SCAPER: variants seen among roughly 807,000 people sequenced by gnomAD.
SCAPER encodes the protein S-phase cyclin A associated protein in the ER.
SCAPER carries 98 observed loss-of-function variants against 182.2 expected under a neutral mutation model. That is an observed-to-expected ratio of 0.54 (90% CI 0.46 to 0.64). The LOEUF is 0.64. SCAPER is among the 30% of genes least tolerant of loss of function. The pLI is 0.00. For synonymous variants in SCAPER, 605 were observed against 564.6 expected (o/e 1.07, Z -1.01); for missense variants, 1,432 against 1,690.0 (o/e 0.85, Z 2.68).
At chr15:76,582,497 T>C (rs968881479) in intron 22 of SCAPER, among the ~76,000 whole-genome samples, 3 of 152,166 alleles carry the variant, frequency 2.0e-5, no homozygotes, top group Admixed American at 6.5e-5. Context: ...AGAATATTGT[T>C]AAAATGTCTA....
intron 20 of SCAPER, among the ~76,000 whole-genome samples, chr15:76,675,153 T>C (rs760185785): frequency 6.6e-6 from 1 of 152,210 alleles, no homozygotes; most frequent in Non-Finnish European, 1.5e-5. Context: ...ATTATGTATG[T>C]TTTAAATTCA....
chr15:76,562,063 G>T (rs989439572), intron 23 of SCAPER, among the ~76,000 whole-genome samples: 3 of 142,336 alleles, frequency 2.1e-5, no homozygotes, highest in African/African-American at 7.8e-5. Context: ...CGGAAGAATC[G>T]CTTGAACCTA....
chr15:76,563,181 A>C (rs1447745665), intron 23 of SCAPER, among the ~76,000 whole-genome samples: 1 of 152,186 alleles, frequency 6.6e-6, no homozygotes, highest in Non-Finnish European at 1.5e-5. Context: ...GATGCTGACA[A>C]TGTCCTATTT....
chr15:76,673,762 A>AAC (rs1252251801), intron 20 of SCAPER, among the ~76,000 whole-genome samples: 2 of 152,126 alleles, frequency 1.3e-5, no homozygotes, highest in African/African-American at 2.4e-5. Context: ...TAATAAGTCT[A>AAC]ACACCTTGTC....
At chr15:76,860,999 AT>A (rs1462291097) in intron 3 of SCAPER, among the ~76,000 whole-genome samples, 2 of 152,178 alleles carry the variant, frequency 1.3e-5, no homozygotes, top group East Asian at 3.8e-4. Flanking sequence ...ATAAGAAGCC[AT>A]GAGTCCACAC....
chr15:76,479,023 G>A (rs2050884008), intron 24 of SCAPER, among the ~76,000 whole-genome samples: 1 of 152,028 alleles, frequency 6.6e-6, no homozygotes, highest in Non-Finnish European at 1.5e-5. Context: ...CACACGGTAT[G>A]GGACTAATGT....
intron 23 of SCAPER, among the ~76,000 whole-genome samples, chr15:76,566,448 A>G (rs2047042655): frequency 6.6e-6 from 1 of 152,122 alleles, no homozygotes; most frequent in Admixed American, 6.6e-5. Context: ...AGGAAAGGCA[A>G]TTGGACAAAC....
chr15:76,842,341 A>C (rs940588509), intron 4 of SCAPER, among the ~76,000 whole-genome samples: 3 of 152,184 alleles, frequency 2.0e-5, no homozygotes, highest in African/African-American at 7.2e-5. Flanking sequence ...GGGAGAGACC[A>C]GATGGAGGTA....
chr15:76,627,402 C>A (rs958961785), intron 21 of SCAPER, among the ~76,000 whole-genome samples: 1 of 152,024 alleles, frequency 6.6e-6, no homozygotes, highest in Admixed American at 6.6e-5. Context: ...AGGTATTAAG[C>A]CCAGCATGCG....
chr15:76,738,703 CA>C (rs1318138174), intron 15 of SCAPER, among the ~76,000 whole-genome samples: 4 of 152,132 alleles, frequency 2.6e-5, no homozygotes, highest in East Asian at 1.9e-4. Context: ...AAACATTTAT[CA>C]ATTAAGTTTG....
intron 26 of SCAPER, among the ~76,000 whole-genome samples, chr15:76,429,376 T>C (rs1368814209): frequency 6.6e-6 from 1 of 152,072 alleles, no homozygotes; most frequent in African/African-American, 2.4e-5. Context: ...TTGGAACAGT[T>C]TGGAGGGCTC....
At chr15:76,535,187 T>G (rs1426998354) in intron 23 of SCAPER, among the ~76,000 whole-genome samples, 1 of 152,128 alleles carries the variant, frequency 6.6e-6, no homozygotes, top group East Asian at 1.9e-4. Flanking sequence ...TGACACAATT[T>G]CATGCCCATG....
intron 25 of SCAPER, among the ~76,000 whole-genome samples, chr15:76,442,440 T>C (rs895965560): frequency 6.6e-6 from 1 of 152,222 alleles, no homozygotes; most frequent in Non-Finnish European, 1.5e-5. Context: ...GGCATTTACA[T>C]AGCAACTTTG....
chr15:76,739,239 C>T (rs1322167725), intron 15 of SCAPER, among the ~76,000 whole-genome samples: 1 of 152,204 alleles, frequency 6.6e-6, no homozygotes, highest in Non-Finnish European at 1.5e-5. Context: ...GGGATGACTA[C>T]ATACATTGTA....
intron 2 of SCAPER, among the ~76,000 whole-genome samples, chr15:76,873,311 AAGGAAGGAAGGAAGGAAGGAAGGC>A (rs2072886055): frequency 3.5e-5 from 4 of 115,286 alleles, no homozygotes; most frequent in South Asian, 3.5e-4. Context: ...GGAAGGAAGG[AAGGAAGGAAGGAAGGAAGGAAGGC>A]AGGCAGGCAG....
Position 76,535,851 on chromosome 15 carries a change from T to C in SCAPER, c.2839-30877A>G, listed in dbSNP as rs540599540. ...CAGGTATGACAGAAGAGTCACGAGA[T>C]TTGGGTTCTGGTCTCAGTAGTCATA... On this transcript the variant is annotated intron_variant, in intron 23 of 31. Coordinates refer to ENST00000563290, the MANE Select transcript of SCAPER (RefSeq NM_020843.4). Among the ~76,000 whole-genome samples the C allele has an allele frequency of 1.9e-3, 287 of 152,206 alleles. 1 individual carries two copies. The highest frequency in any genetic ancestry group is 6.7e-3 in the African/African-American group (280 of 41,526).
chr15:76,533,783 ACTC>A (rs1171163932), intron 23 of SCAPER, among the ~76,000 whole-genome samples: 1 of 151,988 alleles, frequency 6.6e-6, no homozygotes, highest in Non-Finnish European at 1.5e-5. Context: ...GTAAAGGGCT[ACTC>A]CTCCTCTGTC....
intron 1 of SCAPER, among the ~76,000 whole-genome samples, chr15:76,885,638 C>T (rs1488783953): frequency 1.3e-5 from 2 of 152,194 alleles, no homozygotes; most frequent in Non-Finnish European, 1.5e-5. Flanking sequence ...TGCACACCAT[C>T]ATGTCTGGGT....
At chr15:76,885,472 A>G (rs1192520493) in intron 1 of SCAPER, among the ~76,000 whole-genome samples, 2 of 152,150 alleles carry the variant, frequency 1.3e-5, no homozygotes, top group Admixed American at 6.6e-5. Context: ...GCCTTCCCAT[A>G]TAACATTCAT....
Sources: gnomAD v4.1 joint callset for allele counts (sites outside exome capture counted in the v4.1 genomes callset) on GRCh38, gnomAD v4.1.1 for gene constraint, MANE v1.5 for transcripts, NCBI Gene and HGNC (gene_info 2026-07-23, HGNC 2026-07-21) for gene names.